Variants in RNF19A observed in about 807,000 individuals in gnomAD.
RNF19A encodes the protein ring finger protein 19A, RBR E3 ubiquitin protein ligase, also known as E3 ubiquitin-protein ligase RNF19A.
RNF19A carries 32 observed loss-of-function variants against 75.7 expected under a neutral mutation model. That is an observed-to-expected ratio of 0.42 (90% CI 0.32 to 0.57). The LOEUF is 0.57. Among genes scored for constraint, RNF19A ranks in the 20% least tolerant of loss-of-function variants. The pLI is 0.10. For synonymous variants in RNF19A, 335 were observed against 345.2 expected, an observed-to-expected ratio of 0.97 and a Z score of 0.33; for missense variants, 782 against 1,036.3, an observed-to-expected ratio of 0.75 and a Z score of 3.37.
intron 1 of RNF19A, among the ~76,000 whole-genome samples, chr8:100,318,191 C>T (rs1822411276): frequency 6.6e-6 from 1 of 152,136 alleles, no homozygotes; most frequent in Non-Finnish European, 1.5e-5. Context: ...AGTTGTGTTT[C>T]CCTTGTTTAT....
chr8:100,273,734 T>C (rs553485192), intron 3 of RNF19A, among the ~76,000 whole-genome samples: 1 of 152,298 alleles, frequency 6.6e-6, no homozygotes, highest in South Asian at 2.1e-4. Context: ...CCAGGAACTA[T>C]TTCAACTATA....
rs1822577770 is a variant in RNF19A at position 100,329,117 on chromosome 8, G to A, written c.-243+6991C>T. 6.6e-6 allele frequency among the ~76,000 whole-genome samples: 1 copy of A among 152,130 alleles called. No homozygotes were observed. The highest frequency in any genetic ancestry group is 1.5e-5 in the Non-Finnish European group (1 of 68,036). On this transcript the variant is annotated intron_variant, in intron 1 of 3. Coordinates refer to the RNF19A transcript ENST00000519527. This position sits in a 1 kb window ranked among gnomAD's most constrained non-coding sequence, Gnocchi z 4.3. ...TTTGATATAGGAGAGGGAGAGGGGT[G>A]GTGTAGCTTACAGACACCAAAGTGT...
intron 5 of RNF19A, among the ~76,000 whole-genome samples, chr8:100,267,498 T>G (rs1820039362): frequency 6.6e-6 from 1 of 151,992 alleles, no homozygotes; most frequent in Admixed American, 6.6e-5. Flanking sequence ...GCCTCCCAAG[T>G]AGCTGGGACT....
intron 3 of RNF19A, among the ~76,000 whole-genome samples, chr8:100,273,932 G>A (rs1427805026): frequency 6.6e-6 from 1 of 151,946 alleles, no homozygotes; most frequent in Non-Finnish European, 1.5e-5. Context: ...ACAGGCGCCC[G>A]CCACCACGCC....
chr8:100,300,964 G>A (rs1821796937), intron 1 of RNF19A, among the ~76,000 whole-genome samples: 1 of 152,208 alleles, frequency 6.6e-6, no homozygotes, highest in Admixed American at 6.5e-5. Flanking sequence ...TCAAGAGGCT[G>A]CACCAACTTT....
At position 100,284,191 on chromosome 8, in the gene RNF19A, A is replaced by C. The variant is rs956334693; in HGVS notation, c.674+3310T>G. 6.6e-6 allele frequency among the ~76,000 whole-genome samples: 1 copy of C among 152,210 alleles called. No individual in the cohort carries two copies. The highest frequency in any genetic ancestry group is 1.5e-5 in the Non-Finnish European group (1 of 68,012). ...TGCTAGTAATAGCATTAAAGATCTCACTTAATCCTTATAACAACAAGATAG... is the reference window on the plus strand; with the variant it reads ...TGCTAGTAATAGCATTAAAGATCTCCCTTAATCCTTATAACAACAAGATAG... On this transcript the variant is annotated intron_variant, in intron 2 of 9. Coordinates refer to ENST00000341084, the MANE Select transcript of RNF19A (RefSeq NM_183419.4). The surrounding 1 kb of genome is among the most constrained non-coding windows in gnomAD (Gnocchi z 4.3).
chr8:100,263,265 A>C (rs947359475), intron 7 of RNF19A, among the ~76,000 whole-genome samples: 2 of 152,148 alleles, frequency 1.3e-5, no homozygotes, highest in Non-Finnish European at 2.9e-5. Context: ...AAATATGGTA[A>C]GAAGTGGTTT....
At chr8:100,277,402 C>T (rs1421361178) in intron 2 of RNF19A, among the ~76,000 whole-genome samples, 2 of 152,070 alleles carry the variant, frequency 1.3e-5, no homozygotes, top group African/African-American at 4.8e-5. Flanking sequence ...ATCTCCACCT[C>T]CTGGGTTCAA....
chr8:100,292,437 T>TGG (rs1554671914), intron 1 of RNF19A, among the ~76,000 whole-genome samples: 7 of 102,084 alleles, frequency 6.9e-5, no homozygotes, highest in South Asian at 3.0e-4. Flanking sequence ...ATCATATGGG[T>TGG]GTGTGTGTGT....
chr8:100,316,211 C>T lies in RNF19A; in HGVS notation c.-242-2839G>A, dbSNP rs181595995. ...CTTCCTCCCAGTGGGCTTGTGGTCT[C>T]GCTGGCTCAGGAGTGAAGCAGCAGA... On this transcript the variant is annotated intron_variant, in intron 1 of 3. Coordinates refer to the RNF19A transcript ENST00000519527. 5.9e-5 allele frequency among the ~76,000 whole-genome samples: 9 copies of T among 151,978 alleles called. No homozygotes were observed. The South Asian group carries it at 1.9e-3, about 32-fold the overall frequency.
At chr8:100,305,609 A>C (rs1195874724) in intron 1 of RNF19A, among the ~76,000 whole-genome samples, 1 of 152,250 alleles carries the variant, frequency 6.6e-6, no homozygotes, top group East Asian at 1.9e-4. Flanking sequence ...ATTGGACAAC[A>C]CTGCTGAAGA....
chr8:100,314,318 A>G (rs767053746), upstream of RNF19A, among the ~76,000 whole-genome samples: 5 of 152,148 alleles, frequency 3.3e-5, no homozygotes. The surrounding 1 kb of genome is among the most constrained non-coding windows in gnomAD (Gnocchi z 4.1). Context: ...TGATTGCTTT[A>G]TAAGTATTAA....
chr8:100,268,927 C>CA lies in RNF19A; in HGVS notation c.1048dup (p.Trp350LeufsTer54). On this transcript the variant is annotated frameshift_variant, in exon 5 of 10. Transcript: ENST00000341084. LOFTEE classifies it high-confidence loss of function. Reference sequence around the variant, plus strand: ...CTTTCGGCTCCAGGGTTTCTTCCCCCAAAAAGTACATCCTGATGGACTAAC... The same window carrying CA: ...CTTTCGGCTCCAGGGTTTCTTCCCCCAAAAAAGTACATCCTGATGGACTAAC... 6.3e-7 allele frequency: 1 copy of CA among 1,589,748 alleles called. No individual in the cohort carries two copies. The highest frequency in any genetic ancestry group is 1.7e-5 in the Admixed American group (1 of 57,230).
chr8:100,310,386 T>G (rs888500733), upstream of RNF19A: 1 of 322,340 alleles, frequency 3.1e-6, no homozygotes, highest in Non-Finnish European at 4.5e-6. Flanking sequence ...GGGGCCGGTG[T>G]CTCCCTGGCC....
At position 100,268,921 on chromosome 8, in the gene RNF19A, T is replaced by G; in HGVS notation, c.1055A>C (p.Lys352Thr). Residue 352 changes from lysine (K) to threonine (T), a missense_variant, in exon 5 of 10, where the codon AAG (lysine) becomes ACG (threonine). Transcript: ENST00000341084. ...LSPSGCTFWG[K>T]KPWSRKKKIL... ...TTTCTTCTTTCGGCTCCAGGGTTTC[T>G]TCCCCCAAAAAGTACATCCTGATGG... 6.3e-7 allele frequency: 1 copy of G among 1,593,254 alleles called. No individual in the cohort carries two copies. The highest frequency in any genetic ancestry group is 1.1e-5 in the South Asian group (1 of 88,582).
intron 1 of RNF19A, among the ~76,000 whole-genome samples, chr8:100,316,406 C>T (rs1822376587): frequency 6.6e-6 from 1 of 152,182 alleles, no homozygotes; most frequent in Non-Finnish European, 1.5e-5. Context: ...TTATCTGGCC[C>T]CACCCACATC....
At chr8:100,335,107 T>C (rs1033615858) in intron 1 of RNF19A, among the ~76,000 whole-genome samples, 2 of 152,218 alleles carry the variant, frequency 1.3e-5, no homozygotes, top group Non-Finnish European at 2.9e-5. Context: ...ATTACGTATA[T>C]ACAAATAGGA....
In RNF19A at chr8:100,261,197, T is replaced by C. The variant is rs1032027554; in HGVS notation, c.1682+345A>G. Among the ~76,000 whole-genome samples, 2 of 152,012 alleles carry C rather than the reference T, an allele frequency of 1.3e-5. No individual in the cohort carries two copies. Among genetic ancestry groups the C allele is most frequent in the Middle Eastern group, 3.2e-3 (1 of 316 alleles). On this transcript the variant is annotated intron_variant, in intron 8 of 9. Coordinates refer to ENST00000341084, the MANE Select transcript of RNF19A (RefSeq NM_183419.4). The surrounding 1 kb of genome is among the most constrained non-coding windows in gnomAD (Gnocchi z 4.4). The stretch of plus-strand genomic sequence containing the variant: ...GCAGCCTCCAACTCCCAGGCTCAAG[T>C]GATCCTCCTACCTCAGCCTCCCGAC...
intron 1 of RNF19A, among the ~76,000 whole-genome samples, chr8:100,301,750 G>A (rs1023721584): frequency 4.6e-5 from 7 of 152,020 alleles, no homozygotes; most frequent in Non-Finnish European, 7.4e-5. Flanking sequence ...TCTAAATATC[G>A]TCTAAATATT....
Sources: allele counts gnomAD v4.1 joint callset (sites outside exome capture counted in the v4.1 genomes callset), GRCh38; gene constraint gnomAD v4.1.1; non-coding constraint Gnocchi (gnomAD v3.1); transcripts MANE v1.5; gene names NCBI Gene and HGNC (gene_info 2026-07-23, HGNC 2026-07-21).